Variants in GLIS1 observed in about 807,000 individuals in gnomAD.
GLIS1 encodes GLIS family zinc finger 1.
A neutral mutation model predicts 63.8 loss-of-function variants in GLIS1; 24 were observed. The observed-to-expected ratio is 0.38, with a 90% CI of 0.27 to 0.53. The LOEUF (loss-of-function observed/expected upper bound fraction) is 0.53. Among genes scored for constraint, GLIS1 ranks in the 20% least tolerant of loss-of-function variants. The probability of loss-of-function intolerance (pLI) is 0.85; values close to 1 mark genes in which losing one functional copy is unlikely to be tolerated. For synonymous variants in GLIS1, 450 were observed against 482.5 expected (o/e 0.93, Z 0.88); for missense variants, 1,036 against 1,074.1 (o/e 0.96, Z 0.50).
chr1:53,706,901 T>C (rs1646584384), intron 2 of GLIS1, among the ~76,000 whole-genome samples: 1 of 152,190 alleles, frequency 6.6e-6, no homozygotes, highest in Non-Finnish European at 1.5e-5. Context: ...TCCGTTTGCA[T>C]AGTGCACGAA....
At chr1:53,654,418 G>A (rs146132934) in intron 2 of GLIS1, among the ~76,000 whole-genome samples, 2 of 152,310 alleles carry the variant, frequency 1.3e-5, no homozygotes, top group East Asian at 3.9e-4. Context: ...ATTAAATCTG[G>A]GGTGCCGCCT....
chr1:53,576,294 G>C (rs919938920), intron 4 of GLIS1, among the ~76,000 whole-genome samples: 1 of 152,120 alleles, frequency 6.6e-6, no homozygotes, highest in Admixed American at 6.5e-5. Flanking sequence ...TCCTACTGGG[G>C]CATCAGATGC....
Position 53,657,725 on chromosome 1 carries a change from C to T in GLIS1, c.260-57447G>A, listed in dbSNP as rs1569999354. Among the ~76,000 whole-genome samples the T allele has an allele frequency of 2.0e-5, 3 of 152,300 alleles. No homozygotes were observed. In the Middle Eastern group the frequency reaches 0.01, roughly 518 times the overall value. On this transcript the variant is annotated intron_variant, in intron 2 of 10. Transcript: ENST00000628545. ...AACCAGAGAGCCATCAGCTGACTGC[C>T]ACCAAAGGGACCCCAGTTGATTGCA... is the stretch of plus-strand genomic sequence containing the variant.
chr1:53,549,499 T>C (rs1216546227), intron 4 of GLIS1, among the ~76,000 whole-genome samples: 2 of 152,248 alleles, frequency 1.3e-5, no homozygotes, highest in Non-Finnish European at 2.9e-5. Flanking sequence ...CTCCTTGTGG[T>C]TCCGATTTGC....
At chr1:53,707,257 A>T (rs183116066) in intron 2 of GLIS1, among the ~76,000 whole-genome samples, 1 of 152,314 alleles carries the variant, frequency 6.6e-6, no homozygotes, top group Admixed American at 6.5e-5. Context: ...CCCGGCTGCC[A>T]TTTAAGACCA....
Position 53,539,287 on chromosome 1 carries a change from C to A in GLIS1, c.1321-9335G>T, listed in dbSNP as rs896676346. ...CAAGACCCAGAAACTCCCTCACACA[C>A]ACACACACACACTACACCTAAACAC... On this transcript the variant is annotated intron_variant, in intron 4 of 10. Transcript: ENST00000628545. This position sits in a 1 kb window ranked among gnomAD's most constrained non-coding sequence, Gnocchi z 5.0. 4.0e-5 allele frequency among the ~76,000 whole-genome samples: 6 copies of A among 150,888 alleles called. No individual in the cohort carries two copies. The highest frequency in any genetic ancestry group is 8.9e-5 in the Non-Finnish European group (6 of 67,738).
At chr1:53,555,790 G>GTGTGTA (rs1644813689) in intron 4 of GLIS1, among the ~76,000 whole-genome samples, 1 of 151,112 alleles carries the variant, frequency 6.6e-6, no homozygotes, top group East Asian at 2.0e-4. Context: ...AGGTATGTGT[G>GTGTGTA]TGCAGGTGTA....
chr1:53,723,810 A>G (rs1032135656), intron 2 of GLIS1, among the ~76,000 whole-genome samples: 1 of 152,214 alleles, frequency 6.6e-6, no homozygotes, highest in Non-Finnish European at 1.5e-5. Context: ...GCCACTTCCC[A>G]AAGAAGGACT....
chr1:53,528,857 A>T (rs1644498495), intron 5 of GLIS1, among the ~76,000 whole-genome samples: 1 of 152,092 alleles, frequency 6.6e-6, no homozygotes, highest in African/African-American at 2.4e-5. Flanking sequence ...TAGAGAAACC[A>T]GCCTGGGGCC....
At chr1:53,535,897 C>A (rs901245678) in intron 4 of GLIS1, among the ~76,000 whole-genome samples, 1 of 152,060 alleles carries the variant, frequency 6.6e-6, no homozygotes, top group Non-Finnish European at 1.5e-5. Flanking sequence ...TGATCTGGTC[C>A]CTTGGTGCTG....
In GLIS1 at chr1:53,714,969, T is replaced by G. The variant is rs373158572; in HGVS notation, c.259+22837A>C. On this transcript the variant is annotated intron_variant, in intron 2 of 10. Coordinates refer to ENST00000628545, the MANE Select transcript of GLIS1 (RefSeq NM_001367484.1). ...CTTGAGACAGAGTCTCACTCTGAAG[T>G]GCAATGGCACAATCATGCCTCACTG... Among the ~76,000 whole-genome samples, 18 of 152,376 alleles carry G rather than the reference T, an allele frequency of 1.2e-4. No individual in the cohort carries two copies. In the East Asian group the frequency reaches 2.7e-3, roughly 23 times the overall value.
At chr1:53,561,833 G>A (rs1644895178) in intron 4 of GLIS1, among the ~76,000 whole-genome samples, 1 of 152,164 alleles carries the variant, frequency 6.6e-6, no homozygotes, top group Non-Finnish European at 1.5e-5. Flanking sequence ...AGGTCCAGAG[G>A]GTGTCCAGAG....
At chr1:53,635,165 C>T (rs560122676) in intron 2 of GLIS1, among the ~76,000 whole-genome samples, 3 of 151,944 alleles carry the variant, frequency 2.0e-5, no homozygotes, top group South Asian at 2.1e-4. Context: ...GAAGGGAGAA[C>T]GGCAGGAGCA....
intron 2 of GLIS1, among the ~76,000 whole-genome samples, chr1:53,725,826 G>A (rs1010673388): frequency 8.5e-5 from 13 of 152,284 alleles, no homozygotes; most frequent in Admixed American, 8.5e-4. Flanking sequence ...CATTTTAAAA[G>A]GGGGAACTGA....
At chr1:53,708,351 C>A (rs1390978605) in intron 2 of GLIS1, among the ~76,000 whole-genome samples, 2 of 152,040 alleles carry the variant, frequency 1.3e-5, no homozygotes, top group Non-Finnish European at 2.9e-5. Flanking sequence ...TTCTCATAGG[C>A]CAAGTGGGGG....
intron 4 of GLIS1, among the ~76,000 whole-genome samples, chr1:53,579,449 C>T (rs1645064163): frequency 6.6e-6 from 1 of 152,252 alleles, no homozygotes; most frequent in South Asian, 2.1e-4. Flanking sequence ...GAAACCGCTG[C>T]TCAGGCTGTG....
chr1:53,737,972 G>A lies in GLIS1; in HGVS notation c.93C>T (p.Gly31=). 1.6e-6 allele frequency: 2 copies of A among 1,230,240 alleles called. No homozygotes were observed. The highest frequency in any genetic ancestry group is 8.2e-5 in the South Asian group (2 of 24,302). 76.2% of individuals were successfully genotyped at this position (1,230,240 alleles called of 1,614,324 possible). Reference sequence around the variant, plus strand: ...CGGTGACCCTGAAGGCCATGTGCGCGCCGAGGCTGGCGGGGCCGCGGTCGG... The same window carrying A: ...CGGTGACCCTGAAGGCCATGTGCGCACCGAGGCTGGCGGGGCCGCGGTCGG... ...PGPDRGPASL[G]AHMAFRVTVS... Residue 31 remains glycine (G), a synonymous_variant, in exon 2 of 11, where the codon GGC becomes GGT. Coordinates refer to ENST00000628545, the MANE Select transcript of GLIS1 (RefSeq NM_001367484.1).
intron 2 of GLIS1, among the ~76,000 whole-genome samples, chr1:53,678,624 T>C (rs55888542): frequency 0.32 from 49,069 of 151,954 alleles, 8,965 homozygotes; most frequent in African/African-American, 0.51. Context: ...GTACCAACAG[T>C]CACCATGACT....
In GLIS1 at chr1:53,573,729, G is replaced by A. The variant is rs72899269; in HGVS notation, c.1320+20379C>T. Among the ~76,000 whole-genome samples the A allele has an allele frequency of 1.3e-3, 200 of 152,332 alleles. 1 individual carries two copies. The highest frequency in any genetic ancestry group is 4.5e-3 in the African/African-American group (189 of 41,576). ...AGATGCATGCACACATGGGCCCTCAGACACAGGAATGTCAGAAGCCAGGGT... is the reference window on the plus strand; with the variant it reads ...AGATGCATGCACACATGGGCCCTCAAACACAGGAATGTCAGAAGCCAGGGT... On this transcript the variant is annotated intron_variant, in intron 4 of 10. Coordinates refer to ENST00000628545, the MANE Select transcript of GLIS1 (RefSeq NM_001367484.1).
Sources: gnomAD v4.1 joint callset for allele counts (sites outside exome capture counted in the v4.1 genomes callset) on GRCh38, gnomAD v4.1.1 for gene constraint, Gnocchi (gnomAD v3.1) non-coding constraint, MANE v1.5 for transcripts, NCBI Gene and HGNC (gene_info 2026-07-23, HGNC 2026-07-21) for gene names.